NEK5: variants seen among roughly 807,000 people sequenced by gnomAD.
The protein encoded by NEK5 is NIMA related kinase 5, also known as serine/threonine-protein kinase Nek5.
A neutral mutation model predicts 109.2 loss-of-function variants in NEK5; 88 were observed. That is an observed-to-expected ratio of 0.81 (90% CI 0.68 to 0.96). The LOEUF (loss-of-function observed/expected upper bound fraction) is 0.96. Among genes scored for constraint, NEK5 ranks in the 40% least tolerant of loss-of-function variants. NEK5 has a pLI of 0.00. For missense variants in NEK5, 834 were observed against 920.7 expected (o/e 0.91, Z 1.22); for synonymous variants, 283 against 299.9 (o/e 0.94, Z 0.58).
At chr13:52,097,988 C>A (rs1955452437) in intron 12 of NEK5, among the ~76,000 whole-genome samples, 1 of 152,120 alleles carries the variant, frequency 6.6e-6, no homozygotes, top group Non-Finnish European at 1.5e-5. Context: ...AAGTGTGTAG[C>A]ACCTCCCCCT....
chr13:52,041,108 C>G (rs1321502270), intron 23 of NEK5, among the ~76,000 whole-genome samples: 1 of 152,034 alleles, frequency 6.6e-6, no homozygotes, highest in Non-Finnish European at 1.5e-5. Context: ...TTTAAACCCT[C>G]CAAAACAAAA....
At chr13:52,093,019 G>C in intron 13 of NEK5, 35 bp downstream of exon 13, 1 of 1,407,484 alleles carries the variant, frequency 7.1e-7, no homozygotes, top group Non-Finnish European at 9.8e-7. Context: ...GATATTTTTA[G>C]ATTAACCAAA....
chr13:52,112,257 G>A lies in NEK5; in HGVS notation c.312+11C>T, dbSNP rs776443863. The A allele has an allele frequency of 1.3e-6, 2 of 1,526,836 alleles. No homozygotes were observed. Among genetic ancestry groups the A allele is most frequent in the Admixed American group, 3.4e-5 (2 of 58,770 alleles). The allele number at this position is 1,526,836 out of a possible 1,614,324, so 94.6% of individuals were successfully genotyped here. A position where few individuals can be genotyped will look rare whatever the true frequency, so the allele number is the denominator to read the frequency against. ...ATACATAAAATTAAAAAGCAAATTA[G>A]AAGTTTTTACCTGATCTTCACTAAA... is the stretch of plus-strand genomic sequence containing the variant. On this transcript the variant is annotated intron_variant, in intron 5 of 23. Coordinates refer to ENST00000684899, the MANE Select transcript of NEK5 (RefSeq NM_001365552.1).
At chr13:52,072,742 TA>T (rs1954804263) in intron 19 of NEK5, among the ~76,000 whole-genome samples, 1 of 152,110 alleles carries the variant, frequency 6.6e-6, no homozygotes, top group Non-Finnish European at 1.5e-5. Context: ...CAAATGCTCA[TA>T]AAAATAAGAA....
At chr13:52,073,430 C>T (rs1175369262) in intron 19 of NEK5, among the ~76,000 whole-genome samples, 1 of 151,866 alleles carries the variant, frequency 6.6e-6, no homozygotes, top group Non-Finnish European at 1.5e-5. Context: ...ATTCTCCTGC[C>T]TCAGCCTCCT....
chr13:52,102,095 A>G lies in NEK5; in HGVS notation c.807T>C (p.Pro269=). 1 of 1,613,516 alleles carries G rather than the reference A, an allele frequency of 6.2e-7. No individual in the cohort carries two copies. The highest frequency in any genetic ancestry group is 8.5e-7 in the Non-Finnish European group (1 of 1,179,450). ...LENLIPKYLT[P]EVIQEEFSHM... ...AAACAGTCACCTCAAAACTTACCTC[A>G]GGAGTCAAATATTTGGGAATAAGAT... Residue 269 remains proline (P), a synonymous_variant, in exon 10 of 24, where the codon CCT becomes CCC. Coordinates refer to ENST00000684899, the MANE Select transcript of NEK5 (RefSeq NM_001365552.1).
intron 22 of NEK5, among the ~76,000 whole-genome samples, chr13:52,056,752 G>A (rs1270735401): frequency 2.6e-5 from 4 of 151,630 alleles, no homozygotes; most frequent in African/African-American, 4.8e-5. Flanking sequence ...AACCCAACGA[G>A]AACAAAGATA....
chr13:52,119,318 C>A lies in NEK5; in HGVS notation c.214+1G>T. ...ACTTAACGAATATTAGAAAATCAAA[C>A]CTTGAAATGAATTGAAGAAGGCTAC... On this transcript the variant is annotated splice_donor_variant, in intron 4 of 23. Transcript: ENST00000684899. LOFTEE classifies it high-confidence loss of function. 6.5e-7 allele frequency: 1 copy of A among 1,535,126 alleles called. No individual in the cohort carries two copies. Among genetic ancestry groups the A allele is most frequent in the Non-Finnish European group, 9.0e-7 (1 of 1,116,002 alleles).
intron 22 of NEK5, among the ~76,000 whole-genome samples, chr13:52,052,046 A>T (rs546725683): frequency 2.0e-5 from 3 of 152,168 alleles, no homozygotes; most frequent in Non-Finnish European, 4.4e-5. Flanking sequence ...ACTCAAAAGC[A>T]TGCAAACTTT....
intron 15 of NEK5, 47 bp from the exon 16 acceptor site, chr13:52,086,410 A>G (rs916102237): frequency 3.7e-6 from 4 of 1,091,576 alleles, no homozygotes. Context: ...TATGAACACC[A>G]TAACAAAAAT....
At chr13:52,095,596 T>G (rs1386014875) in intron 12 of NEK5, among the ~76,000 whole-genome samples, 4 of 152,224 alleles carry the variant, frequency 2.6e-5, no homozygotes, top group Non-Finnish European at 5.9e-5. Flanking sequence ...TTAATAAAAT[T>G]AAGCCCTTAG....
At chr13:52,119,138 G>A (rs115390070) in intron 4 of NEK5, among the ~76,000 whole-genome samples, 181 bp downstream of exon 4, 164 of 152,244 alleles carry the variant, frequency 1.1e-3, no homozygotes, top group African/African-American at 3.5e-3. Flanking sequence ...TAAGAAAGCC[G>A]TCTACAAAAA....
At chr13:52,067,154 C>T (rs961801974) in intron 20 of NEK5, among the ~76,000 whole-genome samples, 22 of 152,046 alleles carry the variant, frequency 1.4e-4, no homozygotes, top group African/African-American at 5.1e-4. Flanking sequence ...ATGTAAGTAC[C>T]ACTTCACTGT....
At chr13:52,077,179 T>C (rs971597469) in intron 17 of NEK5, among the ~76,000 whole-genome samples, 1 of 152,128 alleles carries the variant, frequency 6.6e-6, no homozygotes, top group Admixed American at 6.5e-5. Context: ...TCTCACAACT[T>C]CTCTAACTCA....
Position 52,093,196 on chromosome 13 carries a change from C to G in NEK5, c.1066G>C (p.Gly356Arg). The G allele has an allele frequency of 1.2e-6, 2 of 1,613,264 alleles. No homozygotes were observed. Among genetic ancestry groups the G allele is most frequent in the Non-Finnish European group, 1.7e-6 (2 of 1,179,610 alleles). The change falls in exon 13 of 24, where the codon GGA becomes CGA. Residue 356 changes from glycine to arginine, a missense_variant. Coordinates refer to ENST00000684899, the MANE Select transcript of NEK5 (RefSeq NM_001365552.1). ...TGAGCATAATAATAATCATAATGTCCACAGACAGCAGCAATTTTGGGTCTT... is the reference window on the plus strand; with the variant it reads ...TGAGCATAATAATAATCATAATGTCGACAGACAGCAGCAATTTTGGGTCTT... ...IERPKIAAVCGHYDYYYAQLD... is the reference protein window; with the variant it reads ...IERPKIAAVCRHYDYYYAQLD...
At chr13:52,084,762 A>AGAGAGTGTGT (rs1228944662) in intron 16 of NEK5, among the ~76,000 whole-genome samples, 16 of 47,436 alleles carry the variant, frequency 3.4e-4, no homozygotes, top group South Asian at 7.8e-4. Flanking sequence ...AGAGAGAGAG[A>AGAGAGTGTGT]GTGTGTGTGT....
chr13:52,042,787 T>C (rs958683965), intron 23 of NEK5, among the ~76,000 whole-genome samples: 1 of 152,002 alleles, frequency 6.6e-6, no homozygotes, highest in Admixed American at 6.6e-5. Flanking sequence ...ATTAGAAATA[T>C]AATCTGTATC....
chr13:52,080,350 G>A (rs1253120124), intron 17 of NEK5, among the ~76,000 whole-genome samples: 1 of 151,268 alleles, frequency 6.6e-6, no homozygotes, highest in Non-Finnish European at 1.5e-5. Flanking sequence ...ACTGGGAAGT[G>A]AGAAGCCCCT....
Position 52,119,411 on chromosome 13 carries a change from G to C in NEK5, c.122C>G (p.Pro41Arg). ...VIKEINFEKM[P>R]IQEKEASKKE... ...CTTTGAAGCTTCTTTTTCTTGTATG[G>C]GCATCTAAATTACATTAAGAGACAG... is the stretch of plus-strand genomic sequence containing the variant. Residue 41 changes from proline to arginine, a missense_variant, in exon 4 of 24, where the codon CCC becomes CGC. By Grantham distance (103) the Pro-to-Arg change is moderately radical. Coordinates refer to ENST00000684899, the MANE Select transcript of NEK5 (RefSeq NM_001365552.1). 6.4e-7 allele frequency: 1 copy of C among 1,561,896 alleles called. No homozygotes were observed. Among genetic ancestry groups the C allele is most frequent in the Non-Finnish European group, 8.8e-7 (1 of 1,137,554 alleles).
Sources: gnomAD v4.1 joint callset for allele counts (sites outside exome capture counted in the v4.1 genomes callset) on GRCh38, gnomAD v4.1.1 for gene constraint, MANE v1.5 for transcripts, NCBI Gene and HGNC (gene_info 2026-07-23, HGNC 2026-07-21) for gene names.